SAMTOR: variants seen among roughly 807,000 people sequenced by gnomAD.
SAMTOR encodes the protein UPF0532 protein C7orf60.
chr7:112,922,916 A>G, the SAMTOR span, among the ~76,000 whole-genome samples: 48,354 of 112,536 alleles, frequency 0.43, 11,088 homozygotes, highest in African/African-American at 0.68. Context: ...CAGCCGCCCC[A>G]TCCGTCCCTA....
At chr7:112,857,366 C>CA in the SAMTOR span, among the ~76,000 whole-genome samples, 2 of 148,832 alleles carry the variant, frequency 1.3e-5, no homozygotes, top group Admixed American at 6.6e-5. Context: ...GCTGGGATTA[C>CA]AGGCGTGAGC....
At chr7:112,907,797 C>T in the SAMTOR span, among the ~76,000 whole-genome samples, 1 of 151,964 alleles carries the variant, frequency 6.6e-6, no homozygotes, top group Non-Finnish European at 1.5e-5. Context: ...AGCTGAGCCA[C>T]ATACTATGTT....
the SAMTOR span, among the ~76,000 whole-genome samples, chr7:112,866,366 A>C: frequency 6.6e-6 from 1 of 152,226 alleles, no homozygotes; most frequent in African/African-American, 2.4e-5. Flanking sequence ...GCTATTATCC[A>C]CATAGTAAGA....
the SAMTOR span, chr7:112,915,304 AC>A: frequency 1.2e-6 from 2 of 1,602,118 alleles, no homozygotes. Context: ...AAAAGTACTT[AC>A]CTACAACACC....
At chr7:112,828,225 T>C in the SAMTOR span, among the ~76,000 whole-genome samples, 16 of 152,366 alleles carry the variant, frequency 1.1e-4, no homozygotes, top group South Asian at 1.9e-3. Flanking sequence ...CAAAGTACCA[T>C]GAACTGGGTG....
the SAMTOR span, chr7:112,935,203 T>C: frequency 2.3e-6 from 1 of 441,946 alleles, no homozygotes; most frequent in South Asian, 1.7e-5. Context: ...AAAGAATCTG[T>C]TCAAAGTTTC....
the SAMTOR span, among the ~76,000 whole-genome samples, chr7:112,874,647 GAGTAATAAT>G: frequency 6.6e-6 from 1 of 151,992 alleles, no homozygotes; most frequent in African/African-American, 2.4e-5. Context: ...AAGCAACCAA[GAGTAATAAT>G]ACAGAAATAT....
At chr7:112,834,940 A>G in the SAMTOR span, among the ~76,000 whole-genome samples, 2 of 152,206 alleles carry the variant, frequency 1.3e-5, no homozygotes, top group African/African-American at 2.4e-5. Flanking sequence ...TAAATGAAGT[A>G]CAATAAGATA....
the SAMTOR span, among the ~76,000 whole-genome samples, chr7:112,881,829 C>T: frequency 3.3e-5 from 5 of 152,138 alleles, no homozygotes; most frequent in African/African-American, 9.7e-5. Flanking sequence ...TTCCTGGATA[C>T]GGGAAAAGAA....
At chr7:112,902,724 T>C in the SAMTOR span, among the ~76,000 whole-genome samples, 2 of 152,094 alleles carry the variant, frequency 1.3e-5, no homozygotes, top group Non-Finnish European at 2.9e-5. Flanking sequence ...CTATGCATGT[T>C]TGGGATGGAG....
chr7:112,927,547 T>C, the SAMTOR span, among the ~76,000 whole-genome samples: 3 of 151,974 alleles, frequency 2.0e-5, no homozygotes, highest in South Asian at 2.1e-4. Context: ...CAATTTCTTA[T>C]AGGCATTCTA....
chr7:112,826,235 T>C, the SAMTOR span, among the ~76,000 whole-genome samples: 2 of 152,314 alleles, frequency 1.3e-5, no homozygotes, highest in South Asian at 2.1e-4. Flanking sequence ...AGAATATATA[T>C]AATTGGTATT....
chr7:112,895,484 C>T, the SAMTOR span: 7 of 954,470 alleles, frequency 7.3e-6, no homozygotes, highest in Non-Finnish European at 1.0e-5. Flanking sequence ...AGCAAGTAAA[C>T]TGCTCACTGT....
chr7:112,853,028 T>A, the SAMTOR span, among the ~76,000 whole-genome samples: 1 of 152,102 alleles, frequency 6.6e-6, no homozygotes, highest in Non-Finnish European at 1.5e-5. Context: ...TTCATTTGCA[T>A]TTTGTAAAGT....
At chr7:112,896,189 G>C in the SAMTOR span, among the ~76,000 whole-genome samples, 3 of 152,020 alleles carry the variant, frequency 2.0e-5, no homozygotes, top group Admixed American at 2.0e-4. Flanking sequence ...GGGTGAGTGT[G>C]CGTGCACGCG....
At chr7:112,865,698 CATAT>C in the SAMTOR span, among the ~76,000 whole-genome samples, 6,521 of 142,160 alleles carry the variant, frequency 0.046, 647 homozygotes, top group African/African-American at 0.17. Context: ...TTCATATATA[CATAT>C]ATTCATATAT....
the SAMTOR span, among the ~76,000 whole-genome samples, chr7:112,902,439 CAA>C: frequency 3.4e-3 from 277 of 81,502 alleles, 32 homozygotes; most frequent in African/African-American, 0.013. Context: ...CAAAAAAAAA[CAA>C]AAAAAAACAA....
the SAMTOR span, among the ~76,000 whole-genome samples, chr7:112,895,963 A>T: frequency 2.0e-5 from 3 of 152,200 alleles, no homozygotes; most frequent in Non-Finnish European, 4.4e-5. Context: ...TAAATAAAAA[A>T]TATGTTTTTT....
the SAMTOR span, among the ~76,000 whole-genome samples, chr7:112,902,923 A>G: frequency 6.6e-6 from 1 of 152,246 alleles, no homozygotes; most frequent in Non-Finnish European, 1.5e-5. Flanking sequence ...CACCTATGCA[A>G]AACTCTTGCT....
Sources: gnomAD v4.1 joint callset for allele counts (sites outside exome capture counted in the v4.1 genomes callset) on GRCh38, gnomAD v4.1.1 for gene constraint, MANE v1.5 for transcripts, NCBI Gene and HGNC (gene_info 2026-07-23, HGNC 2026-07-21) for gene names.